Variants in PMEPA1 observed in about 807,000 individuals in gnomAD.
PMEPA1 encodes the protein protein TMEPAI.
PMEPA1 carries 11 observed loss-of-function variants against 23.0 expected under a neutral mutation model. The observed-to-expected ratio is 0.48, with a 90% CI of 0.30 to 0.79. The LOEUF (loss-of-function observed/expected upper bound fraction) is 0.79, where lower values mean the gene tolerates loss of function less well. PMEPA1 is among the 30% of genes least tolerant of loss of function. The probability of loss-of-function intolerance (pLI) is 0.06; values close to 1 mark genes in which losing one functional copy is unlikely to be tolerated. For synonymous variants in PMEPA1, 204 were observed against 166.4 expected (o/e 1.23, Z -1.74); for missense variants, 377 against 390.9 (o/e 0.96, Z 0.30).
At chr20:57,707,644 G>GTTTTTTT (rs1568690721) in intron 1 of PMEPA1, among the ~76,000 whole-genome samples, 1 of 147,116 alleles carries the variant, frequency 6.8e-6, no homozygotes, top group Non-Finnish European at 1.5e-5. Flanking sequence ...TAAGAACAAT[G>GTTTTTTT]CTTTTTTTTT....
chr20:57,698,831 A>C (rs1217244092), intron 1 of PMEPA1, among the ~76,000 whole-genome samples: 1 of 152,218 alleles, frequency 6.6e-6, no homozygotes, highest in East Asian at 1.9e-4. Flanking sequence ...ACACACACAC[A>C]GACTTGGCAA....
intron 1 of PMEPA1, among the ~76,000 whole-genome samples, chr20:57,680,750 G>A (rs994463277): frequency 6.6e-6 from 1 of 152,238 alleles, no homozygotes; most frequent in Non-Finnish European, 1.5e-5. Context: ...AAGGGCAGTT[G>A]TTCATTTCAC....
At chr20:57,663,845 G>A (rs2071456443) in intron 1 of PMEPA1, among the ~76,000 whole-genome samples, 1 of 152,186 alleles carries the variant, frequency 6.6e-6, no homozygotes. Flanking sequence ...CAACACCCTG[G>A]GCCAAGGAGG....
intron 1 of PMEPA1, among the ~76,000 whole-genome samples, chr20:57,667,101 C>A (rs2071504247): frequency 6.6e-6 from 1 of 152,226 alleles, no homozygotes; most frequent in Admixed American, 6.5e-5. Flanking sequence ...GTGGCTCCCA[C>A]CTCCAGCTGT....
At chr20:57,672,682 A>C (rs2071585761) in intron 1 of PMEPA1, among the ~76,000 whole-genome samples, 1 of 152,166 alleles carries the variant, frequency 6.6e-6, no homozygotes, top group African/African-American at 2.4e-5. Flanking sequence ...CAGATGGGCA[A>C]GGTCAGGCGT....
chr20:57,667,799 T>G (rs1390958033), intron 1 of PMEPA1, among the ~76,000 whole-genome samples: 1 of 152,164 alleles, frequency 6.6e-6, no homozygotes, highest in East Asian at 1.9e-4. Flanking sequence ...CTTCATTTAC[T>G]GCCCTCTCCC....
chr20:57,690,254 CGCTGGGCAG>C, intron 1 of PMEPA1: 3 of 445,154 alleles, frequency 6.7e-6, no homozygotes, highest in South Asian at 5.0e-5. Flanking sequence ...AGCGAAGAGA[CGCTGGGCAG>C]CGGCTTGGGG....
chr20:57,673,503 G>A (rs187779466), intron 1 of PMEPA1, among the ~76,000 whole-genome samples: 13 of 152,260 alleles, frequency 8.5e-5, no homozygotes, highest in Non-Finnish European at 1.6e-4. Context: ...CCTCAAAGCC[G>A]GCATGAGCCC....
chr20:57,667,358 A>C (rs957646819), intron 1 of PMEPA1, among the ~76,000 whole-genome samples: 2 of 152,230 alleles, frequency 1.3e-5, no homozygotes, highest in East Asian at 1.9e-4. Context: ...AAATTTGTTA[A>C]TGTGCAAGAA....
In PMEPA1 at chr20:57,655,951, A is replaced by G. The variant is rs7354130; in HGVS notation, c.265-2865T>C. 0.02 allele frequency among the ~76,000 whole-genome samples: 3,095 copies of G among 152,032 alleles called. 53 individuals are homozygous for G. Among genetic ancestry groups the G allele is most frequent in the Non-Finnish European group, 0.031 (2,124 of 67,936 alleles). On this transcript the variant is annotated intron_variant, in intron 2 of 3. Coordinates refer to ENST00000341744, the MANE Select transcript of PMEPA1 (RefSeq NM_020182.5). The surrounding 1 kb of genome is among the most constrained non-coding windows in gnomAD (Gnocchi z 4.2). Reference sequence around the variant, plus strand: ...TCGAAAACACTTCATTCACACTCAGAAAAGACCTCATTGACAAAACCAGGC... The same window carrying G: ...TCGAAAACACTTCATTCACACTCAGGAAAGACCTCATTGACAAAACCAGGC...
chr20:57,710,450 G>T, upstream of PMEPA1: 1 of 1,606,922 alleles, frequency 6.2e-7, no homozygotes, highest in Non-Finnish European at 8.5e-7. Context: ...AAGCCCCCAA[G>T]ATGGATCACC....
At chr20:57,657,251 C>T (rs1178846476) in intron 2 of PMEPA1, among the ~76,000 whole-genome samples, 2 of 152,142 alleles carry the variant, frequency 1.3e-5, no homozygotes, top group African/African-American at 2.4e-5. Context: ...ACTGAGGCTC[C>T]GAGGGGCAAG....
Position 57,650,147 on chromosome 20 carries a change from G to A in PMEPA1, c.*1906C>T, listed in dbSNP as rs779741649. Reference sequence around the variant, plus strand: ...CAGCTGCCACCTTCGTAAAGCACACGTTTCACATGCATGAGCTCGAGTGGC... The same window carrying A: ...CAGCTGCCACCTTCGTAAAGCACACATTTCACATGCATGAGCTCGAGTGGC... On this transcript the variant is annotated 3_prime_UTR_variant, in exon 4 of 4. Transcript: ENST00000341744. 25 of 142,734 alleles carry A rather than the reference G, an allele frequency of 1.8e-4. No homozygotes were observed. Among genetic ancestry groups the A allele is most frequent in the Non-Finnish European group, 2.8e-4 (19 of 67,798 alleles). The allele number at this position is 142,734 out of a possible 1,614,324, so 8.8% of individuals were successfully genotyped here.
intron 1 of PMEPA1, among the ~76,000 whole-genome samples, chr20:57,697,899 T>G (rs1283395810): frequency 2.0e-5 from 3 of 152,216 alleles, no homozygotes; most frequent in African/African-American, 7.2e-5. Context: ...TGGAGAATAA[T>G]GCAAAGAACG....
intron 1 of PMEPA1, among the ~76,000 whole-genome samples, chr20:57,697,316 C>T (rs2071954416): frequency 6.6e-6 from 1 of 152,218 alleles, no homozygotes; most frequent in Non-Finnish European, 1.5e-5. Context: ...ACTGGGAGTA[C>T]CACCTCGGTG....
intron 1 of PMEPA1, among the ~76,000 whole-genome samples, chr20:57,698,657 C>T (rs2146707506): frequency 6.6e-6 from 1 of 152,314 alleles, no homozygotes; most frequent in East Asian, 1.9e-4. Context: ...ATCAGCTCAG[C>T]CCGGTGAGGG....
chr20:57,689,444 T>C (rs1307276262), intron 1 of PMEPA1, among the ~76,000 whole-genome samples: 1 of 152,174 alleles, frequency 6.6e-6, no homozygotes, highest in African/African-American at 2.4e-5. Context: ...GGGGTGACTC[T>C]GGCCTGGTCC....
intron 1 of PMEPA1, among the ~76,000 whole-genome samples, chr20:57,687,098 C>T (rs572256360): frequency 1.3e-5 from 2 of 152,390 alleles, no homozygotes; most frequent in East Asian, 1.9e-4. Flanking sequence ...CAAGCTCTGC[C>T]GTCTGTGGGC....
At chr20:57,675,822 T>A (rs1600648312) in intron 1 of PMEPA1, among the ~76,000 whole-genome samples, 1 of 152,220 alleles carries the variant, frequency 6.6e-6, no homozygotes, top group Non-Finnish European at 1.5e-5. Flanking sequence ...CTGTCTCCGG[T>A]GTGTGACTGT....
Sources: allele counts gnomAD v4.1 joint callset (sites outside exome capture counted in the v4.1 genomes callset), GRCh38; gene constraint gnomAD v4.1.1; non-coding constraint Gnocchi (gnomAD v3.1); transcripts MANE v1.5; gene names NCBI Gene and HGNC (gene_info 2026-07-23, HGNC 2026-07-21).